The following SIPA1L1 variants were observed in gnomAD, a reference collection of about 807,000 sequenced individuals.
SIPA1L1 encodes signal induced proliferation associated 1 like 1.
A neutral mutation model predicts 162.7 loss-of-function variants in SIPA1L1; 26 were observed. The observed-to-expected ratio is 0.16, with a 90% CI of 0.12 to 0.22. The LOEUF (loss-of-function observed/expected upper bound fraction) is 0.22, where lower values mean the gene tolerates loss of function less well. Among genes scored for constraint, SIPA1L1 ranks in the 10% least tolerant of loss-of-function variants. The pLI is 1.00. For synonymous variants in SIPA1L1, 829 were observed against 837.4 expected (o/e 0.99, Z 0.17); for missense variants, 1,874 against 2,241.0 (o/e 0.84, Z 3.31).
At chr14:71,614,678 A>G (rs1006251293) in intron 5 of SIPA1L1, among the ~76,000 whole-genome samples, 1 of 152,222 alleles carries the variant, frequency 6.6e-6, no homozygotes, top group Non-Finnish European at 1.5e-5. Context: ...AAGCTAGAGT[A>G]TGAAGAAAGT....
At chr14:71,618,631 A>G (rs1326092185) in intron 5 of SIPA1L1, 126 bp from the exon 6 acceptor site, 4 of 833,072 alleles carry the variant, frequency 4.8e-6, no homozygotes, top group Non-Finnish European at 7.3e-6. Flanking sequence ...GAATATTAAT[A>G]TTTGTTAAAT....
At chr14:71,732,998 G>C (rs954434657) in intron 20 of SIPA1L1, among the ~76,000 whole-genome samples, 1 of 152,174 alleles carries the variant, frequency 6.6e-6, no homozygotes, top group Non-Finnish European at 1.5e-5. Flanking sequence ...GGATTACGAG[G>C]TCAGGAGTTC....
intron 4 of SIPA1L1, among the ~76,000 whole-genome samples, chr14:71,570,679 G>C (rs2031805971): frequency 6.6e-6 from 1 of 152,046 alleles, no homozygotes; most frequent in Non-Finnish European, 1.5e-5. Context: ...CAGAAGAAAA[G>C]TAAATTTGGG....
At chr14:71,437,090 C>T (rs2044444821) in intron 2 of SIPA1L1, among the ~76,000 whole-genome samples, 1 of 151,930 alleles carries the variant, frequency 6.6e-6, no homozygotes, top group South Asian at 2.1e-4. Context: ...AAAGAATATC[C>T]TGATAATCTT....
At chr14:71,335,015 C>A (rs556621400) in intron 2 of SIPA1L1, among the ~76,000 whole-genome samples, 38 of 152,238 alleles carry the variant, frequency 2.5e-4, no homozygotes, top group Admixed American at 8.5e-4. Context: ...TTAAGAATGT[C>A]TTGGCTGGGC....
At chr14:71,347,550 TAACTCTAAA>T (rs2140520548) in intron 2 of SIPA1L1, among the ~76,000 whole-genome samples, 2 of 152,334 alleles carry the variant, frequency 1.3e-5, no homozygotes, top group South Asian at 4.1e-4. Flanking sequence ...CTATGCTTAG[TAACTCTAAA>T]CAATCCGGGC....
chr14:71,669,478 A>G (rs1420817665), intron 10 of SIPA1L1, among the ~76,000 whole-genome samples: 1 of 152,238 alleles, frequency 6.6e-6, no homozygotes, highest in Admixed American at 6.5e-5. Context: ...TTTAAAGTGA[A>G]AGATATTAAA....
chr14:71,687,750 G>A (rs1017118196), intron 13 of SIPA1L1, among the ~76,000 whole-genome samples: 1 of 152,174 alleles, frequency 6.6e-6, no homozygotes, highest in Non-Finnish European at 1.5e-5. Context: ...ACTTGTGTCT[G>A]CCTTTCTTCT....
At chr14:71,403,810 G>A (rs1003083100) in intron 2 of SIPA1L1, among the ~76,000 whole-genome samples, 9 of 152,210 alleles carry the variant, frequency 5.9e-5, no homozygotes, top group African/African-American at 1.9e-4. Flanking sequence ...GCTTGTCTGA[G>A]TTGATGGTCT....
intron 4 of SIPA1L1, among the ~76,000 whole-genome samples, chr14:71,543,953 G>A (rs185185506): frequency 2.1e-4 from 31 of 145,436 alleles, no homozygotes; most frequent in Admixed American, 6.9e-4. Context: ...ATACATATAC[G>A]CACATGTATG....
intron 4 of SIPA1L1, among the ~76,000 whole-genome samples, chr14:71,554,124 A>G (rs2056131974): frequency 2.0e-5 from 3 of 152,156 alleles, no homozygotes. Context: ...CTGATACGTT[A>G]TTTCTGTTCA....
intron 12 of SIPA1L1, among the ~76,000 whole-genome samples, 191 bp downstream of exon 12, chr14:71,672,813 A>G (rs2044671882): frequency 6.6e-6 from 1 of 152,210 alleles, no homozygotes; most frequent in Admixed American, 6.5e-5. Context: ...CAGCAGCTGG[A>G]AAGAGTGACT....
At chr14:71,474,131 G>A (rs985703339) in intron 2 of SIPA1L1, among the ~76,000 whole-genome samples, 3 of 152,150 alleles carry the variant, frequency 2.0e-5, no homozygotes, top group East Asian at 1.9e-4. Context: ...TTGACACTTG[G>A]CTTATAAAGA....
intron 20 of SIPA1L1, among the ~76,000 whole-genome samples, chr14:71,731,405 T>G (rs1222881940): frequency 2.0e-5 from 3 of 152,066 alleles, no homozygotes; most frequent in East Asian, 1.9e-4. Context: ...GGAAGTCACC[T>G]CCGATGAACC....
At chr14:71,381,211 C>G (rs1294140339) in intron 2 of SIPA1L1, among the ~76,000 whole-genome samples, 1 of 152,056 alleles carries the variant, frequency 6.6e-6, no homozygotes, top group African/African-American at 2.4e-5. Flanking sequence ...CACCACGGTG[C>G]CCGGCTAATT....
At chr14:71,609,229 C>G (rs1379044922) in intron 5 of SIPA1L1, among the ~76,000 whole-genome samples, 2 of 151,974 alleles carry the variant, frequency 1.3e-5, no homozygotes, top group East Asian at 3.9e-4. Flanking sequence ...ATCCCAATAA[C>G]AGTTTAGTGA....
At position 71,589,276 on chromosome 14, in the gene SIPA1L1, G is replaced by T; in HGVS notation, c.1404G>T (p.Glu468Asp). The T allele has an allele frequency of 3.1e-6, 5 of 1,613,994 alleles. No homozygotes were observed. Among genetic ancestry groups the T allele is most frequent in the Non-Finnish European group, 4.2e-6 (5 of 1,179,900 alleles). ...AGVAVLEVPKENLVLHLDRVK... is the reference protein window; with the variant it reads ...AGVAVLEVPKDNLVLHLDRVK... ...TGGCAGTACTTGAAGTGCCCAAGGA[G>T]AACTTGGTGTTGCACCTAGATAGAG... The change falls in exon 5 of 24, where the codon GAG (glutamate) becomes GAT (aspartate). Residue 468 changes from glutamate to aspartate, a missense_variant. By Grantham distance (45) the Glu-to-Asp change is conservative. Coordinates refer to ENST00000381232, the MANE Select transcript of SIPA1L1 (RefSeq NM_001386936.1).
chr14:71,725,650 A>G (rs2084167056), intron 19 of SIPA1L1, among the ~76,000 whole-genome samples: 1 of 152,064 alleles, frequency 6.6e-6, no homozygotes, highest in Non-Finnish European at 1.5e-5. Context: ...TTGTTCTATA[A>G]AGTGTGGAGT....
intron 2 of SIPA1L1, among the ~76,000 whole-genome samples, chr14:71,474,845 A>G (rs2047723512): frequency 1.3e-5 from 2 of 152,132 alleles, no homozygotes; most frequent in South Asian, 4.1e-4. Flanking sequence ...TTGCTAATAT[A>G]TTCCAGCCTG....
Sources: gnomAD v4.1 joint callset for allele counts (sites outside exome capture counted in the v4.1 genomes callset) on GRCh38, gnomAD v4.1.1 for gene constraint, MANE v1.5 for transcripts, NCBI Gene and HGNC (gene_info 2026-07-23, HGNC 2026-07-21) for gene names.